The following CCDC192 variants were observed in gnomAD, a reference collection of about 807,000 sequenced individuals.
CCDC192 encodes the protein coiled-coil domain containing 192, also known as coiled-coil domain-containing protein 192.
intron 5 of CCDC192, among the ~76,000 whole-genome samples, chr5:127,820,485 G>A (rs1244789309): frequency 6.6e-6 from 1 of 152,190 alleles, no homozygotes; most frequent in Non-Finnish European, 1.5e-5. Flanking sequence ...GGAAGGCTGA[G>A]GCAGGAGAAT....
At chr5:127,725,138 A>G (rs1420565028) in intron 2 of CCDC192, among the ~76,000 whole-genome samples, 2 of 152,214 alleles carry the variant, frequency 1.3e-5, no homozygotes, top group Admixed American at 6.5e-5. Flanking sequence ...CATATATGCA[A>G]TTAGCAAAAG....
At chr5:127,753,065 C>T (rs1001127433) in intron 2 of CCDC192, among the ~76,000 whole-genome samples, 1 of 152,268 alleles carries the variant, frequency 6.6e-6, no homozygotes, top group Admixed American at 6.5e-5. Flanking sequence ...GCAGAAATCA[C>T]CCGTCTTCTG....
chr5:127,810,724 C>A (rs1758034708), intron 5 of CCDC192, among the ~76,000 whole-genome samples: 1 of 152,158 alleles, frequency 6.6e-6, no homozygotes, highest in Non-Finnish European at 1.5e-5. Context: ...TCACTAATAA[C>A]CTGACAGTAA....
In CCDC192 at chr5:127,733,328, T is replaced by C. The variant is rs145724065; in HGVS notation, c.115-20940T>C. 9.7e-4 allele frequency among the ~76,000 whole-genome samples: 148 copies of C among 152,284 alleles called. 4 individuals carry two copies. In the East Asian group the frequency reaches 0.028, roughly 29 times the overall value. On this transcript the variant is annotated intron_variant, in intron 2 of 6. Transcript: ENST00000514853. Reference sequence around the variant, plus strand: ...ATGAGAGAATTTTCTTTTTACTTGCTACTGTGGACCAGCCGTTATACTAAG... The same window carrying C: ...ATGAGAGAATTTTCTTTTTACTTGCCACTGTGGACCAGCCGTTATACTAAG...
At chr5:127,883,977 C>G (rs1382457902) in intron 6 of CCDC192, among the ~76,000 whole-genome samples, 1 of 152,094 alleles carries the variant, frequency 6.6e-6, no homozygotes, top group East Asian at 1.9e-4. Context: ...CTACTGCAGG[C>G]ACAGAAAGGG....
intron 6 of CCDC192, among the ~76,000 whole-genome samples, chr5:127,909,630 G>T (rs78521951): frequency 0.016 from 2,353 of 148,218 alleles, 51 homozygotes; most frequent in African/African-American, 0.054. Flanking sequence ...CTAGTTAATG[G>T]AAAAAAAAAA....
At chr5:127,864,899 G>A (rs896245241) in intron 5 of CCDC192, among the ~76,000 whole-genome samples, 1 of 152,188 alleles carries the variant, frequency 6.6e-6, no homozygotes, top group Non-Finnish European at 1.5e-5. Flanking sequence ...TGTAACCCCA[G>A]CACTTTGGGA....
At position 127,785,853 on chromosome 5, in the gene CCDC192, C is replaced by A. The variant is rs573108326; in HGVS notation, c.223-11250C>A. 586 of 363,712 alleles carry A rather than the reference C, an allele frequency of 1.6e-3. 2 individuals are homozygous for A. The highest frequency in any genetic ancestry group is 2.5e-3 in the Non-Finnish European group (460 of 184,796). The allele number at this position is 363,712 out of a possible 1,614,324, so 22.5% of individuals were successfully genotyped here. A position where few individuals can be genotyped will look rare whatever the true frequency, so the allele number is the denominator to read the frequency against. On this transcript the variant is annotated intron_variant, in intron 3 of 6. Transcript: ENST00000514853. ...ACCGCATTGTTGTTTATGAAGCAAC[C>A]ACAACCTTGTCAAGAGCAGCCACAA...
Position 127,775,579 on chromosome 5 carries a change from G to T in CCDC192, c.222+21204G>T, listed in dbSNP as rs181866737. Among the ~76,000 whole-genome samples, 7 of 152,178 alleles carry T rather than the reference G, an allele frequency of 4.6e-5. No individual in the cohort carries two copies. In the East Asian group the frequency reaches 1.2e-3, roughly 25 times the overall value. ...GGCAATCATCTCCTGATTTCTTAGC[G>T]TCATCACACCTGAATAATAATAAAG... On this transcript the variant is annotated intron_variant, in intron 3 of 6. Coordinates refer to ENST00000514853, the MANE Select transcript of CCDC192 (RefSeq NM_001317938.2).
At position 127,831,931 on chromosome 5, in the gene CCDC192, T is replaced by C. The variant is rs1013297223; in HGVS notation, c.411+33769T>C. The stretch of plus-strand genomic sequence containing the variant: ...CAAGTTTTTTAAAACTGTAAATAAG[T>C]TAAATTGCTAATTTAAAAATGCAAG... On this transcript the variant is annotated intron_variant, in intron 5 of 6. Transcript: ENST00000514853. Among the ~76,000 whole-genome samples, 7 of 151,972 alleles carry C rather than the reference T, an allele frequency of 4.6e-5. 1 individual carries two copies. The highest frequency in any genetic ancestry group is 4.6e-4 in the Admixed American group (7 of 15,248).
intron 3 of CCDC192, among the ~76,000 whole-genome samples, chr5:127,760,970 A>C (rs1561472879): frequency 6.6e-6 from 1 of 152,158 alleles, no homozygotes. Context: ...TGTCAGAATG[A>C]ACAAGAAAGT....
At position 127,871,815 on chromosome 5, in the gene CCDC192, A is replaced by G. The variant is rs566095569; in HGVS notation, c.412-3723A>G. On this transcript the variant is annotated intron_variant, in intron 5 of 6. Coordinates refer to ENST00000514853, the MANE Select transcript of CCDC192 (RefSeq NM_001317938.2). ...ATTTCCTTTTCAAAACATTGCACAA[A>G]TACATGATTTCCTCCCTCTTTCCAC... Among the ~76,000 whole-genome samples the G allele has an allele frequency of 1.2e-4, 18 of 152,354 alleles. 1 individual carries two copies. The South Asian group carries it at 3.3e-3, about 28-fold the overall frequency.
intron 5 of CCDC192, among the ~76,000 whole-genome samples, chr5:127,852,937 A>C (rs1445612521): frequency 6.6e-6 from 1 of 152,072 alleles, no homozygotes; most frequent in African/African-American, 2.4e-5. Context: ...AAAAATACAA[A>C]AAATTAGCCG....
intron 5 of CCDC192, among the ~76,000 whole-genome samples, chr5:127,870,355 C>G (rs919418413): frequency 6.6e-6 from 1 of 152,152 alleles, no homozygotes; most frequent in South Asian, 2.1e-4. Context: ...ATTTTTGTAA[C>G]CAAGCTGTCA....
At chr5:127,838,456 C>T (rs1750132764) in intron 5 of CCDC192, 2 of 152,080 alleles carry the variant, frequency 1.3e-5, no homozygotes, top group Admixed American at 6.5e-5. Flanking sequence ...TATTAGTAAA[C>T]ATGTATGTAC....
chr5:127,729,717 C>T (rs1329551863), intron 2 of CCDC192, among the ~76,000 whole-genome samples: 5 of 152,120 alleles, frequency 3.3e-5, no homozygotes, highest in African/African-American at 1.2e-4. Flanking sequence ...TTAGGAAACT[C>T]ACTGAGAACC....
chr5:127,934,133 T>C (rs142784203), intron 6 of CCDC192, among the ~76,000 whole-genome samples: 167 of 152,314 alleles, frequency 1.1e-3, no homozygotes, highest in Non-Finnish European at 1.8e-3. Flanking sequence ...TCAGGAGCAC[T>C]ACCCCATGTC....
intron 3 of CCDC192, among the ~76,000 whole-genome samples, chr5:127,783,644 C>T (rs962009251): frequency 6.6e-6 from 1 of 152,072 alleles, no homozygotes; most frequent in African/African-American, 2.4e-5. Flanking sequence ...TCTATTTGTT[C>T]CAAGGTATAG....
At chr5:127,899,435 CAT>C (rs1752981197) in intron 6 of CCDC192, among the ~76,000 whole-genome samples, 1 of 152,018 alleles carries the variant, frequency 6.6e-6, no homozygotes, top group African/African-American at 2.4e-5. Flanking sequence ...TCTGGAACAA[CAT>C]GTGGGCTGGC....
Sources: gnomAD v4.1 joint callset for allele counts (sites outside exome capture counted in the v4.1 genomes callset) on GRCh38, gnomAD v4.1.1 for gene constraint, MANE v1.5 for transcripts, NCBI Gene and HGNC (gene_info 2026-07-23, HGNC 2026-07-21) for gene names.